Variants in EPM2A observed in about 807,000 individuals in gnomAD.
EPM2A encodes the protein laforin.
Under a neutral mutation model 26.5 loss-of-function variants are expected in EPM2A, and 21 were observed. The observed-to-expected ratio is 0.79, with a 90% CI of 0.56 to 1.14. The LOEUF (loss-of-function observed/expected upper bound fraction) is 1.14, where lower values mean the gene tolerates loss of function less well. EPM2A is among the 50% of genes most tolerant of loss of function. The probability of loss-of-function intolerance (pLI) is 0.00; values close to 1 mark genes in which losing one functional copy is unlikely to be tolerated. For synonymous variants in EPM2A, 217 were observed against 177.6 expected (o/e 1.22, Z -1.76); for missense variants, 458 against 440.8 (o/e 1.04, Z -0.35).
intron 4 of EPM2A, among the ~76,000 whole-genome samples, chr6:145,450,186 T>C (rs903263477): frequency 6.6e-6 from 1 of 151,408 alleles, no homozygotes; most frequent in Admixed American, 6.6e-5. Flanking sequence ...ACCCCGTCTC[T>C]ACTAAAAATA....
intron 2 of EPM2A, among the ~76,000 whole-genome samples, chr6:145,550,830 T>C (rs975982703): frequency 5.9e-5 from 9 of 152,208 alleles, no homozygotes; most frequent in South Asian, 2.1e-4. Context: ...ATATAATACA[T>C]ACAACATACA....
chr6:145,466,692 A>T (rs1305482016), intron 4 of EPM2A, among the ~76,000 whole-genome samples: 1 of 152,202 alleles, frequency 6.6e-6, no homozygotes, highest in East Asian at 1.9e-4. Flanking sequence ...ACACATGCAC[A>T]GGTATGTTTA....
intron 4 of EPM2A, among the ~76,000 whole-genome samples, chr6:145,386,502 C>T (rs1329309648): frequency 3.3e-5 from 5 of 151,892 alleles, no homozygotes; most frequent in Non-Finnish European, 7.4e-5. Flanking sequence ...ATAATAGAGC[C>T]GTCACTAGAT....
chr6:145,435,206 G>A (rs1401988432), intron 4 of EPM2A, among the ~76,000 whole-genome samples: 4 of 152,018 alleles, frequency 2.6e-5, no homozygotes, highest in Non-Finnish European at 5.9e-5. Context: ...GAAGAAGTGA[G>A]GGAAGCAATA....
At chr6:145,555,881 T>C (rs1278642073) in intron 2 of EPM2A, among the ~76,000 whole-genome samples, 1 of 152,130 alleles carries the variant, frequency 6.6e-6, no homozygotes, top group Non-Finnish European at 1.5e-5. Context: ...TTCCCTGACC[T>C]TTCTGATGTA....
rs76572273 is a variant in EPM2A, at chr6:145,472,019, G to A, written c.555+30503C>T. ...GAGATGCCTTCCTTCTGCTTGAGGA[G>A]AGGAGAGGGAAGGAGTGGGGAGGAC... On this transcript the variant is annotated intron_variant, in intron 4 of 4. Coordinates refer to the EPM2A transcript ENST00000638717. Among the ~76,000 whole-genome samples, 993 of 150,812 alleles carry A rather than the reference G, an allele frequency of 6.6e-3. 5 individuals are homozygous for A. Among genetic ancestry groups the A allele is most frequent in the African/African-American group, 0.023 (961 of 41,050 alleles).
rs538225913 is a variant in EPM2A, at chr6:145,484,358, G to A, written c.555+18164C>T. On this transcript the variant is annotated intron_variant, in intron 4 of 4. Transcript: ENST00000638717. ...AAAGAGCACCCCAAATATTTTATGA[G>A]CTTTAGTCCCCATGAAACCTAGATC... Among the ~76,000 whole-genome samples, 20 of 151,976 alleles carry A rather than the reference G, an allele frequency of 1.3e-4. No homozygotes were observed. In the South Asian group the frequency reaches 4.0e-3, roughly 30 times the overall value.
intron 4 of EPM2A, among the ~76,000 whole-genome samples, chr6:145,434,605 T>A (rs1778964636): frequency 6.6e-6 from 1 of 152,210 alleles, no homozygotes; most frequent in African/African-American, 2.4e-5. Flanking sequence ...TAAGCATAGT[T>A]ATTTTTTAGT....
chr6:145,458,390 T>A (rs1186541875), intron 4 of EPM2A, among the ~76,000 whole-genome samples: 1 of 152,166 alleles, frequency 6.6e-6, no homozygotes, highest in Non-Finnish European at 1.5e-5. Context: ...GCCATTCTTC[T>A]CCCCAGGGGC....
intron 2 of EPM2A, among the ~76,000 whole-genome samples, chr6:145,597,034 A>G (rs537462760): frequency 5.2e-4 from 78 of 151,088 alleles, no homozygotes; most frequent in Middle Eastern, 3.4e-3. Context: ...AGCTGGGACT[A>G]CAGGCGCCCG....
chr6:145,443,774 T>C (rs781574538), intron 4 of EPM2A, among the ~76,000 whole-genome samples: 7 of 152,142 alleles, frequency 4.6e-5, no homozygotes, highest in African/African-American at 7.2e-5. Flanking sequence ...TGGGAGATGA[T>C]TGAATCATGG....
chr6:145,671,445 T>C (rs576089858), intron 2 of EPM2A: 17 of 964,020 alleles, frequency 1.8e-5, no homozygotes, highest in Middle Eastern at 5.7e-4. Context: ...TGTGAGTCAA[T>C]ATTACATGTT....
At chr6:145,638,737 A>G (rs569936737) in intron 2 of EPM2A, 2 of 149,608 alleles carry the variant, frequency 1.3e-5, no homozygotes, top group East Asian at 3.9e-4. Context: ...GGATGCAGAG[A>G]CAAAGACTGG....
intron 4 of EPM2A, among the ~76,000 whole-genome samples, chr6:145,462,195 C>T (rs1378904204): frequency 4.6e-5 from 7 of 152,080 alleles, no homozygotes; most frequent in Admixed American, 6.6e-5. Context: ...TGCAAAAGTT[C>T]CTGTCTTGTA....
At chr6:145,627,942 T>C (rs1431212448) in intron 3 of EPM2A, 8 of 554,596 alleles carry the variant, frequency 1.4e-5, no homozygotes, top group Non-Finnish European at 2.2e-5. Flanking sequence ...GCTGCTCCTT[T>C]GGGTGACTTC....
At chr6:145,427,365 T>G (rs886448625) in intron 4 of EPM2A, among the ~76,000 whole-genome samples, 3 of 151,860 alleles carry the variant, frequency 2.0e-5, no homozygotes, top group African/African-American at 7.2e-5. Context: ...TGTAACAGAG[T>G]AAAACGGCTG....
At chr6:145,492,871 T>C (rs1263675195) in intron 4 of EPM2A, among the ~76,000 whole-genome samples, 1 of 152,156 alleles carries the variant, frequency 6.6e-6, no homozygotes, top group Non-Finnish European at 1.5e-5. Flanking sequence ...GGGCAGGCCA[T>C]GGGTGGTTTT....
At chr6:145,479,544 G>A (rs1779587629) in intron 4 of EPM2A, among the ~76,000 whole-genome samples, 1 of 151,772 alleles carries the variant, frequency 6.6e-6, no homozygotes, top group Admixed American at 6.6e-5. Flanking sequence ...TTTTGTGATA[G>A]ACTTATTTCA....
chr6:145,536,307 G>T (rs968926274), intron 2 of EPM2A, among the ~76,000 whole-genome samples: 5 of 150,184 alleles, frequency 3.3e-5, no homozygotes, highest in Admixed American at 6.6e-5. Context: ...TTGTTTGTTT[G>T]TTTTTTGAGA....
Sources: allele counts gnomAD v4.1 joint callset (sites outside exome capture counted in the v4.1 genomes callset), GRCh38; gene constraint gnomAD v4.1.1; transcripts MANE v1.5; gene names NCBI Gene and HGNC (gene_info 2026-07-23, HGNC 2026-07-21).